ZSCAN32: variants seen among roughly 807,000 people sequenced by gnomAD.
The protein encoded by ZSCAN32 is zinc finger and SCAN domain containing 32.
A neutral mutation model predicts 47.4 loss-of-function variants in ZSCAN32; 52 were observed. The ratio of observed to expected loss-of-function variants is 1.10; its 90% CI spans 0.88 to 1.38. The LOEUF (loss-of-function observed/expected upper bound fraction) is 1.38, where lower values mean the gene tolerates loss of function less well. ZSCAN32 is among the 40% of genes most tolerant of loss of function. ZSCAN32 has a pLI of 0.00. For synonymous variants in ZSCAN32, 346 were observed against 305.7 expected (o/e 1.13, Z -1.38); for missense variants, 959 against 846.0 (o/e 1.13, Z -1.66).
In ZSCAN32 at chr16:3,390,049, TGTA is replaced by T. The variant is rs150679689; in HGVS notation, c.709_711del (p.Tyr237del). The T allele has an allele frequency of 0.014, 21,990 of 1,613,632 alleles. 235 individuals carry two copies. The highest frequency in any genetic ancestry group is 0.034 in the South Asian group (3,104 of 90,816). On this transcript the variant is annotated inframe_deletion, in exon 5 of 7. Coordinates refer to ENST00000396852, the MANE Select transcript of ZSCAN32 (RefSeq NM_001284527.2). ...CTGTCCTTCCTCTGGGTGGCACCCC[TGTA>T]GAGGGCCCTTTGTGCAGGGCCTGGG...
intron 4 of ZSCAN32, 102 bp downstream of exon 4, chr16:3,390,321 C>T (rs961395836): frequency 1.5e-6 from 2 of 1,346,280 alleles, no homozygotes; most frequent in East Asian, 2.5e-5. Context: ...ACCCGAGAAG[C>T]CCCATGGACC....
In ZSCAN32 at chr16:3,397,665, C is replaced by G; in HGVS notation, c.-108G>C. 7.2e-7 allele frequency: 1 copy of G among 1,389,862 alleles called. No homozygotes were observed. The highest frequency in any genetic ancestry group is 9.5e-7 in the Non-Finnish European group (1 of 1,054,704). 86.1% of individuals were successfully genotyped at this position (1,389,862 alleles called of 1,614,324 possible). Reference sequence around the variant, plus strand: ...ATGTTCTCCTGCAAGGAATGTCTTTCTGTAATCCGTGGGACATGAGAGTGT... The same window carrying G: ...ATGTTCTCCTGCAAGGAATGTCTTTGTGTAATCCGTGGGACATGAGAGTGT... On this transcript the variant is annotated 5_prime_UTR_variant, in exon 2 of 7. Coordinates refer to ENST00000396852, the MANE Select transcript of ZSCAN32 (RefSeq NM_001284527.2).
Position 3,383,085 on chromosome 16 carries a change from T to C in ZSCAN32, c.1861A>G (p.Ser621Gly), listed in dbSNP as rs201818632. 8.1e-6 allele frequency: 13 copies of C among 1,614,200 alleles called. No individual in the cohort carries two copies. In the East Asian group the frequency reaches 2.5e-4, roughly 30 times the overall value. Residue 621 changes from serine (S) to glycine (G), a missense_variant, in exon 7 of 7, where the codon AGT becomes GGT. By Grantham distance (56) the Ser-to-Gly change is moderately conservative. Coordinates refer to ENST00000396852, the MANE Select transcript of ZSCAN32 (RefSeq NM_001284527.2). Reference sequence around the variant, plus strand: ...CCAGTGTGGATGCGCCGGTGAGCACTGAACTGGGAACTGTTGTTGAATCTC... The same window carrying C: ...CCAGTGTGGATGCGCCGGTGAGCACCGAACTGGGAACTGTTGTTGAATCTC... Reference protein sequence around the residue: ...GKRFNNSSQFSAHRRIHTGES... With the variant: ...GKRFNNSSQFGAHRRIHTGES...
In ZSCAN32 at chr16:3,393,831, T is replaced by C; in HGVS notation, c.367-17A>G. On this transcript the variant is annotated splice_polypyrimidine_tract_variant and intron_variant, in intron 2 of 6. Transcript: ENST00000396852. ...ATCTAGAACCTGAGAACAGACCCCA[T>C]TATCTATCACTACAAATTCCTGCCT... 6.5e-7 allele frequency: 1 copy of C among 1,529,884 alleles called. No individual in the cohort carries two copies. 94.8% of individuals were successfully genotyped at this position (1,529,884 alleles called of 1,614,324 possible).
At chr16:3,396,728 A>G (rs748131580) in intron 2 of ZSCAN32, among the ~76,000 whole-genome samples, 2 of 152,220 alleles carry the variant, frequency 1.3e-5, no homozygotes, top group Non-Finnish European at 2.9e-5. Context: ...TTATGAATCC[A>G]TCAGTGTCCC....
chr16:3,398,448 G>A (rs1596240976), intron 1 of ZSCAN32, among the ~76,000 whole-genome samples: 1 of 152,220 alleles, frequency 6.6e-6, no homozygotes. Flanking sequence ...CGGGGAGGCT[G>A]ACTTGAGTAA....
At chr16:3,384,376 A>G in intron 6 of ZSCAN32, 83 bp downstream of exon 6, 1 of 1,554,344 alleles carries the variant, frequency 6.4e-7, no homozygotes, top group Non-Finnish European at 8.7e-7. Flanking sequence ...AGGATCAGTG[A>G]CAGCTCCTAC....
At chr16:3,396,976 T>G (rs2033426040) in intron 2 of ZSCAN32, among the ~76,000 whole-genome samples, 1 of 152,204 alleles carries the variant, frequency 6.6e-6, no homozygotes, top group Admixed American at 6.5e-5. Context: ...ATTAGGGACT[T>G]CAAATATTAT....
chr16:3,390,363 A>G, intron 4 of ZSCAN32, 60 bp downstream of exon 4: 1 of 1,456,946 alleles, frequency 6.9e-7, no homozygotes, highest in Non-Finnish European at 9.3e-7. Flanking sequence ...TCTGGAAAGG[A>G]GGAGGGTTTT....
At chr16:3,398,668 C>G (rs954561137) in intron 1 of ZSCAN32, among the ~76,000 whole-genome samples, 1 of 152,162 alleles carries the variant, frequency 6.6e-6, no homozygotes, top group Non-Finnish European at 1.5e-5. Context: ...ATATAGTTCA[C>G]CTGTTCCTTC....
Position 3,397,577 on chromosome 16 carries a change from T to C in ZSCAN32, c.-20A>G, listed in dbSNP as rs1409466056. The stretch of plus-strand genomic sequence containing the variant: ...CATCATTTGCTTCAACGAACTGGCT[T>C]ACTCTGGTTGCCACTTCTACCCTGG... On this transcript the variant is annotated 5_prime_UTR_variant, in exon 2 of 7. Coordinates refer to ENST00000396852, the MANE Select transcript of ZSCAN32 (RefSeq NM_001284527.2). 14 of 1,503,662 alleles carry C rather than the reference T, an allele frequency of 9.3e-6. No homozygotes were observed. In the Middle Eastern group the frequency reaches 6.9e-4, roughly 74 times the overall value. 93.1% of individuals were successfully genotyped at this position (1,503,662 alleles called of 1,614,324 possible). A position where few individuals can be genotyped will look rare whatever the true frequency, so the allele number is the denominator to read the frequency against.
At chr16:3,395,349 T>C (rs897309200) in intron 2 of ZSCAN32, among the ~76,000 whole-genome samples, 1 of 152,210 alleles carries the variant, frequency 6.6e-6, no homozygotes, top group Non-Finnish European at 1.5e-5. Flanking sequence ...TCAGTTGTAG[T>C]TCCCATAATC....
intron 3 of ZSCAN32, among the ~76,000 whole-genome samples, chr16:3,392,097 C>T (rs2032771522): frequency 6.6e-6 from 1 of 152,178 alleles, no homozygotes. Context: ...AGTACTGATA[C>T]ATGCTCAAAA....
intron 2 of ZSCAN32, among the ~76,000 whole-genome samples, chr16:3,394,163 G>A (rs956915870): frequency 6.6e-6 from 1 of 152,060 alleles, no homozygotes; most frequent in Non-Finnish European, 1.5e-5. Flanking sequence ...CTATTTGGGA[G>A]GCTGAGGCAG....
chr16:3,397,347 G>T lies in ZSCAN32; in HGVS notation c.211C>A (p.His71Asn). ...AGCTCCAGGATTTCCTCTTTTGAGT[G>T]GGTCTTCGGCCTCAGCCACTGACAA... ...LCCQWLRPKTHSKEEILELLV... is the reference protein window; with the variant it reads ...LCCQWLRPKTNSKEEILELLV... Residue 71 changes from histidine (H) to asparagine (N), a missense_variant, in exon 2 of 7, where the codon CAC becomes AAC. Physicochemically the swap from His to Asn is moderately conservative, Grantham distance 68 (BLOSUM62 1). Coordinates refer to ENST00000396852, the MANE Select transcript of ZSCAN32 (RefSeq NM_001284527.2). 6.4e-7 allele frequency: 1 copy of T among 1,560,464 alleles called. No individual in the cohort carries two copies. The highest frequency in any genetic ancestry group is 1.2e-5 in the South Asian group (1 of 84,792).
intron 6 of ZSCAN32, 200 bp downstream of exon 6, chr16:3,384,259 A>G: frequency 1.5e-6 from 1 of 664,670 alleles, no homozygotes; most frequent in Non-Finnish European, 2.5e-6. Flanking sequence ...TAGTTGAAAG[A>G]GGTTGGCAAA....
intron 2 of ZSCAN32, 55 bp from the exon 3 acceptor site, chr16:3,393,869 A>G: frequency 7.0e-7 from 1 of 1,437,274 alleles, no homozygotes; most frequent in Non-Finnish European, 9.3e-7. Flanking sequence ...GCTGGACTTT[A>G]CAACTCCTAA....
chr16:3,393,595 C>T, intron 3 of ZSCAN32, 54 bp downstream of exon 3: 5 of 1,456,076 alleles, frequency 3.4e-6, no homozygotes, highest in Non-Finnish European at 4.6e-6. Context: ...CCTTTGTTTC[C>T]AGTAAATGAT....
At position 3,383,120 on chromosome 16, in the gene ZSCAN32, A is replaced by G. The variant is rs548928830; in HGVS notation, c.1826T>C (p.Val609Ala). 395 of 1,614,152 alleles carry G rather than the reference A, an allele frequency of 2.4e-4. 4 individuals are homozygous for G. The South Asian group carries it at 4.0e-3, about 16-fold the overall frequency. Residue 609 changes from valine to alanine, a missense_variant, in exon 7 of 7, where the codon GTC becomes GCC. By Grantham distance (64) the Val-to-Ala change is moderately conservative (BLOSUM62 0). Transcript: ENST00000396852. ...HTGEKPYQCIVCGKRFNNSSQ... is the reference protein window; with the variant it reads ...HTGEKPYQCIACGKRFNNSSQ... ...ACTGTTGTTGAATCTCTTTCCACAG[A>G]CAATGCACTGGTAAGGCTTTTCCCC...
Sources: allele counts gnomAD v4.1 joint callset (sites outside exome capture counted in the v4.1 genomes callset), GRCh38; gene constraint gnomAD v4.1.1; transcripts MANE v1.5; gene names NCBI Gene and HGNC (gene_info 2026-07-23, HGNC 2026-07-21).